The following STXBP3 variants were observed in gnomAD, a reference collection of about 807,000 sequenced individuals.
STXBP3 encodes syntaxin binding protein 3, also known as syntaxin-binding protein 3.
A neutral mutation model predicts 85.7 loss-of-function variants in STXBP3; 41 were observed. The observed-to-expected ratio is 0.48, with a 90% confidence interval of 0.37 to 0.62. The LOEUF (loss-of-function observed/expected upper bound fraction) is 0.62, where lower values mean the gene tolerates loss of function less well. Ranked by LOEUF, STXBP3 falls within the 20% of genes least tolerant of loss-of-function variation. STXBP3 has a pLI of 0.00. For synonymous variants in STXBP3, 229 were observed against 231.7 expected (o/e 0.99, Z 0.10); for missense variants, 563 against 703.1 (o/e 0.80, Z 2.25).
At chr1:108,796,445 AGTT>A in intron 14 of STXBP3, 73 bp downstream of exon 14, 2 of 1,246,756 alleles carry the variant, frequency 1.6e-6, no homozygotes, top group Non-Finnish European at 2.2e-6. Flanking sequence ...ACTGAAAGAT[AGTT>A]GCTGAACTTG....
Position 108,751,579 on chromosome 1 carries a change from G to A in STXBP3, c.50-678G>A, listed in dbSNP as rs193250856. On this transcript the variant is annotated intron_variant, in intron 1 of 18. Transcript: ENST00000370008. ...TTATGTATTACTATGTATTACTACC[G>A]ATTTTAAAATCAATTGAACATTAAT... Among the ~76,000 whole-genome samples, 46 of 151,830 alleles carry A rather than the reference G, an allele frequency of 3.0e-4. No individual in the cohort carries two copies. The East Asian group carries it at 4.5e-3, about 15-fold the overall frequency.
intron 9 of STXBP3, 23 bp from the exon 10 acceptor site, chr1:108,782,399 T>G: frequency 1.9e-6 from 3 of 1,547,390 alleles, no homozygotes; most frequent in Non-Finnish European, 2.6e-6. Context: ...TCAAAAAGTT[T>G]TAGTGCTTCT....
Position 108,793,584 on chromosome 1 carries a change from A to G in STXBP3, c.966A>G (p.Thr322=), listed in dbSNP as rs1317935772. 6.2e-7 allele frequency: 1 copy of G among 1,611,064 alleles called. No homozygotes were observed. The highest frequency in any genetic ancestry group is 8.5e-7 in the Non-Finnish European group (1 of 1,178,324). Residue 322 remains threonine, a splice_region_variant and synonymous_variant, in exon 12 of 19, where the codon ACA becomes ACG. Coordinates refer to ENST00000370008, the MANE Select transcript of STXBP3 (RefSeq NM_007269.4). ...SSTKKATEGK[T]SLSALTQLMK... is the part of the protein sequence containing the mutation. ...AAAAAATGTTTGATTTTTCCTAGAC[A>G]TCACTTAGTGCTCTTACCCAGCTGA...
intron 1 of STXBP3, among the ~76,000 whole-genome samples, chr1:108,749,842 A>G (rs997188002): frequency 3.9e-5 from 6 of 152,216 alleles, no homozygotes; most frequent in African/African-American, 1.2e-4. Flanking sequence ...TTTAAAGCAC[A>G]TATGTAATTT....
At chr1:108,765,885 A>AT (rs1662254697) in intron 6 of STXBP3, among the ~76,000 whole-genome samples, 1 of 99,308 alleles carries the variant, frequency 1.0e-5, no homozygotes. Context: ...ACAGATTCTC[A>AT]CTCTGTCACC....
chr1:108,792,847 T>C (rs1663005635), intron 11 of STXBP3, among the ~76,000 whole-genome samples: 1 of 152,194 alleles, frequency 6.6e-6, no homozygotes, highest in Non-Finnish European at 1.5e-5. Context: ...TATTTCACTT[T>C]TGCACTGAGT....
intron 3 of STXBP3, among the ~76,000 whole-genome samples, chr1:108,755,869 C>T (rs757361547): frequency 1.7e-4 from 26 of 152,036 alleles, no homozygotes; most frequent in Non-Finnish European, 2.8e-4. Context: ...TAAACCTATA[C>T]ATTACTAATA....
At chr1:108,768,520 A>T (rs1662316488) in intron 6 of STXBP3, among the ~76,000 whole-genome samples, 1 of 152,202 alleles carries the variant, frequency 6.6e-6, no homozygotes, top group Non-Finnish European at 1.5e-5. Flanking sequence ...ATGTAAAGAT[A>T]CAGAATCAGA....
At position 108,772,646 on chromosome 1, in the gene STXBP3, T is replaced by A. The variant is rs1163403828; in HGVS notation, c.439-19T>A. 1.5e-6 allele frequency: 2 copies of A among 1,363,866 alleles called. No individual in the cohort carries two copies. Among genetic ancestry groups the A allele is most frequent in the South Asian group, 2.3e-5 (1 of 43,758 alleles). 84.5% of individuals were successfully genotyped at this position (1,363,866 alleles called of 1,614,324 possible). On this transcript the variant is annotated intron_variant, in intron 6 of 18. Coordinates refer to ENST00000370008, the MANE Select transcript of STXBP3 (RefSeq NM_007269.4). ...ATCAGGTCTCCAGATTAACAGTGAG[T>A]TTTTTTGTCTTAACTTAGGTGTATA...
intron 6 of STXBP3, among the ~76,000 whole-genome samples, chr1:108,764,333 C>T (rs1428996591): frequency 6.6e-6 from 1 of 152,090 alleles, no homozygotes; most frequent in Non-Finnish European, 1.5e-5. Flanking sequence ...CATGTCTTTG[C>T]TATTGTGAAT....
At chr1:108,778,890 A>G (rs1187897716) in intron 8 of STXBP3, among the ~76,000 whole-genome samples, 3 of 152,102 alleles carry the variant, frequency 2.0e-5, no homozygotes, top group Non-Finnish European at 4.4e-5. Flanking sequence ...GAACCTACAT[A>G]TCTGGAAAGT....
chr1:108,776,966 A>G (rs1662606388), intron 8 of STXBP3, among the ~76,000 whole-genome samples: 3 of 152,290 alleles, frequency 2.0e-5, no homozygotes, highest in Admixed American at 1.3e-4. Context: ...ATTTGGCACC[A>G]ATGTGAATTT....
intron 18 of STXBP3, among the ~76,000 whole-genome samples, 162 bp downstream of exon 18, chr1:108,807,711 G>A (rs1286517093): frequency 1.3e-5 from 2 of 151,836 alleles, no homozygotes; most frequent in Non-Finnish European, 2.9e-5. Context: ...TGAATAGCTG[G>A]AATTACAGGT....
In STXBP3 at chr1:108,768,202, A is replaced by G. The variant is rs189634948; in HGVS notation, c.439-4463A>G. On this transcript the variant is annotated intron_variant, in intron 6 of 18. Transcript: ENST00000370008. ...GGGATACAATTTGATGTTTTGATACATATCTGTGTTGTATAATGATACAAG... is the reference window on the plus strand; with the variant it reads ...GGGATACAATTTGATGTTTTGATACGTATCTGTGTTGTATAATGATACAAG... Among the ~76,000 whole-genome samples the G allele has an allele frequency of 2.1e-4, 32 of 152,236 alleles. 1 individual carries two copies. The East Asian group carries it at 5.2e-3, about 25-fold the overall frequency.
intron 3 of STXBP3, 107 bp downstream of exon 3, chr1:108,753,251 T>G (rs1448435463): frequency 1.5e-6 from 1 of 675,570 alleles, no homozygotes; most frequent in Non-Finnish European, 2.3e-6. Flanking sequence ...TTTTTTTAAA[T>G]TACTGTAGCC....
chr1:108,767,027 C>A, intron 6 of STXBP3: 1 of 462,258 alleles, frequency 2.2e-6, no homozygotes, highest in East Asian at 6.0e-5. Flanking sequence ...TGTCACCAAC[C>A]ATCACACAGT....
At chr1:108,768,682 A>G (rs1662319880) in intron 6 of STXBP3, among the ~76,000 whole-genome samples, 1 of 152,154 alleles carries the variant, frequency 6.6e-6, no homozygotes, top group African/African-American at 2.4e-5. Flanking sequence ...AAAACTGTGG[A>G]ACTGGTCGTA....
chr1:108,757,202 G>C (rs61797296), intron 4 of STXBP3, among the ~76,000 whole-genome samples: 7,344 of 151,958 alleles, frequency 0.048, 221 homozygotes, highest in Admixed American at 0.071. Flanking sequence ...TATGTGAAAG[G>C]AAATTCTTTA....
intron 6 of STXBP3, among the ~76,000 whole-genome samples, chr1:108,763,494 G>T (rs1340418182): frequency 6.6e-6 from 1 of 152,202 alleles, no homozygotes; most frequent in East Asian, 1.9e-4. Context: ...CCAAAAATAC[G>T]AAAAACAGAT....
Sources: gnomAD v4.1 joint callset for allele counts (sites outside exome capture counted in the v4.1 genomes callset) on GRCh38, gnomAD v4.1.1 for gene constraint, MANE v1.5 for transcripts, NCBI Gene and HGNC (gene_info 2026-07-23, HGNC 2026-07-21) for gene names.